CEP112: variants seen among roughly 807,000 people sequenced by gnomAD.
CEP112 encodes centrosomal protein of 112 kDa.
Under a neutral mutation model 153.0 loss-of-function variants are expected in CEP112, and 127 were observed. The ratio of observed to expected loss-of-function variants is 0.83; its 90% confidence interval spans 0.72 to 0.96. The LOEUF is 0.96. Among genes scored for constraint, CEP112 ranks in the 40% least tolerant of loss-of-function variants. The pLI is 0.00. For synonymous variants in CEP112, 358 were observed against 374.4 expected, an observed-to-expected ratio of 0.96 and a Z score of 0.51; for missense variants, 1,089 against 1,101.2, an observed-to-expected ratio of 0.99 and a Z score of 0.16.
At chr17:66,148,726 T>C (rs1229010007) in intron 4 of CEP112, among the ~76,000 whole-genome samples, 1 of 152,340 alleles carries the variant, frequency 6.6e-6, no homozygotes, top group Non-Finnish European at 1.5e-5. Flanking sequence ...CTAAGCTAAA[T>C]CCATTTGTTA....
At position 65,740,441 on chromosome 17, in the gene CEP112, T is replaced by C. The variant is rs542434040; in HGVS notation, c.2607+2627A>G. 6.5e-4 allele frequency among the ~76,000 whole-genome samples: 99 copies of C among 152,332 alleles called. 1 individual carries two copies. In the South Asian group the frequency reaches 0.018, roughly 27 times the overall value. On this transcript the variant is annotated intron_variant, in intron 23 of 26. Transcript: ENST00000535342. ...TATCTCTCAGGCAATTTAATAATGA[T>C]AGGTATTGCCAAATTATCCTCAAGA...
Position 66,029,225 on chromosome 17 carries a change from G to A in CEP112, c.1401C>T (p.Asp467=). 1.2e-6 allele frequency: 2 copies of A among 1,611,548 alleles called. No individual in the cohort carries two copies. The highest frequency in any genetic ancestry group is 1.7e-6 in the Non-Finnish European group (2 of 1,178,312). The change falls in exon 14 of 27, where the codon GAC becomes GAT. Residue 467 remains aspartate, a synonymous_variant. Transcript: ENST00000535342. ...ARRNTLHKEK[D]HLVNDYEQNM... is the part of the protein sequence containing the mutation. ...TTTGCTCATAATCATTTACAAGATG[G>A]TCCTTCTCTTTATGCAGTGTGTTAC...
intron 17 of CEP112, among the ~76,000 whole-genome samples, chr17:65,964,883 T>C (rs2062352571): frequency 6.6e-6 from 1 of 152,222 alleles, no homozygotes; most frequent in Admixed American, 6.5e-5. Context: ...TCAGTTTGTA[T>C]ATAAATACAA....
chr17:65,711,589 T>G (rs1039736361), intron 23 of CEP112, among the ~76,000 whole-genome samples: 84 of 152,330 alleles, frequency 5.5e-4, no homozygotes, highest in Admixed American at 5.4e-3. Flanking sequence ...AAACTCTATA[T>G]TAGGGCCATC....
chr17:65,708,752 C>T (rs232151), intron 23 of CEP112, among the ~76,000 whole-genome samples: 14,149 of 152,190 alleles, frequency 0.093, 836 homozygotes, highest in Admixed American at 0.19. Flanking sequence ...TTCTTAAGAG[C>T]AATTTAACGT....
chr17:65,829,418 T>C (rs1730560620), intron 21 of CEP112, among the ~76,000 whole-genome samples: 1 of 152,130 alleles, frequency 6.6e-6, no homozygotes, highest in Admixed American at 6.5e-5. Context: ...ACTAGACCCA[T>C]AATGTATCTA....
chr17:66,081,091 C>T (rs1021809022), intron 8 of CEP112, among the ~76,000 whole-genome samples: 6 of 152,018 alleles, frequency 3.9e-5, no homozygotes, highest in Non-Finnish European at 5.9e-5. Context: ...CAGCAAATCA[C>T]CATGGCAAGT....
intron 12 of CEP112, among the ~76,000 whole-genome samples, chr17:66,040,953 T>C (rs940517629): frequency 6.6e-6 from 1 of 152,230 alleles, no homozygotes. Flanking sequence ...CTTTAAGTTT[T>C]ATCATTTTAT....
intron 8 of CEP112, among the ~76,000 whole-genome samples, chr17:66,076,992 G>A (rs1211771818): frequency 2.6e-5 from 4 of 152,144 alleles, no homozygotes; most frequent in Non-Finnish European, 2.9e-5. Flanking sequence ...AACCACATCC[G>A]TAGGAAAAGG....
At chr17:66,126,099 T>C (rs2069837313) in intron 6 of CEP112, among the ~76,000 whole-genome samples, 1 of 152,230 alleles carries the variant, frequency 6.6e-6, no homozygotes, top group South Asian at 2.1e-4. Context: ...ACTTGTTTCA[T>C]GATTGTGATT....
intron 19 of CEP112, chr17:65,913,527 G>A: frequency 1.0e-6 from 1 of 985,252 alleles, no homozygotes; most frequent in Non-Finnish European, 1.2e-6. Context: ...GAAATAGAAT[G>A]TGTCATTTGG....
At chr17:66,013,712 G>A (rs2064641047) in intron 16 of CEP112, among the ~76,000 whole-genome samples, 1 of 152,196 alleles carries the variant, frequency 6.6e-6, no homozygotes, top group Non-Finnish European at 1.5e-5. Flanking sequence ...GTTTGCATGT[G>A]CCAGCAGCAG....
At chr17:66,099,504 C>CAAAAAAAAAAA (rs71160532) in intron 6 of CEP112, among the ~76,000 whole-genome samples, 4 of 113,940 alleles carry the variant, frequency 3.5e-5, no homozygotes, top group Non-Finnish European at 5.0e-5. Context: ...AACTCTGTCT[C>CAAAAAAAAAAA]AAAAAAAAAA....
chr17:66,096,632 T>C lies in CEP112; in HGVS notation c.643A>G (p.Ile215Val), dbSNP rs2068357695. 8 of 1,569,994 alleles carry C rather than the reference T, an allele frequency of 5.1e-6. No homozygotes were observed. The highest frequency in any genetic ancestry group is 2.3e-5 in the East Asian group (1 of 44,406). ...EARLNSWNLG[I>V]ENPRYLRQKP... The stretch of plus-strand genomic sequence containing the variant: ...TGTCTCAGGTATCGAGGATTTTCTA[T>C]CTGAAAATTTAAAAATAAAACAAAA... Residue 215 changes from isoleucine to valine, a missense_variant and splice_region_variant, in exon 7 of 27, where the codon ATA becomes GTA. Coordinates refer to ENST00000535342, the MANE Select transcript of CEP112 (RefSeq NM_001199165.4).
intron 23 of CEP112, among the ~76,000 whole-genome samples, chr17:65,707,534 C>A (rs2048977485): frequency 6.6e-6 from 1 of 152,196 alleles, no homozygotes; most frequent in Admixed American, 6.5e-5. Flanking sequence ...GAAGGTCCTA[C>A]AAGGTGTGGC....
chr17:65,931,262 C>T (rs1195227910), intron 18 of CEP112, among the ~76,000 whole-genome samples: 1 of 152,204 alleles, frequency 6.6e-6, no homozygotes, highest in Non-Finnish European at 1.5e-5. Context: ...GACAAGAAAA[C>T]CTTCGTGAAT....
At chr17:65,914,949 T>C (rs963503477) in intron 19 of CEP112, among the ~76,000 whole-genome samples, 4 of 152,198 alleles carry the variant, frequency 2.6e-5, no homozygotes, top group Non-Finnish European at 4.4e-5. Context: ...GACCTCGCCA[T>C]GCAGCAGTCA....
chr17:65,999,341 A>G (rs2063921304), intron 17 of CEP112, among the ~76,000 whole-genome samples: 1 of 151,678 alleles, frequency 6.6e-6, no homozygotes, highest in Non-Finnish European at 1.5e-5. Flanking sequence ...AGCTGGGACT[A>G]TAGGCGCCTG....
chr17:66,134,391 T>C (rs1361990659), intron 4 of CEP112, among the ~76,000 whole-genome samples: 1 of 152,208 alleles, frequency 6.6e-6, no homozygotes, highest in Non-Finnish European at 1.5e-5. Context: ...AACTACAGTA[T>C]GACTTGCATT....
Sources: gnomAD v4.1 joint callset for allele counts (sites outside exome capture counted in the v4.1 genomes callset) on GRCh38, gnomAD v4.1.1 for gene constraint, MANE v1.5 for transcripts, NCBI Gene and HGNC (gene_info 2026-07-23, HGNC 2026-07-21) for gene names.